The following HIP1 variants were observed in gnomAD, a reference collection of about 807,000 sequenced individuals.
HIP1 encodes huntingtin-interacting protein 1.
HIP1 carries 65 observed loss-of-function variants against 147.6 expected under a neutral mutation model. The ratio of observed to expected loss-of-function variants is 0.44; its 90% CI spans 0.36 to 0.54. The LOEUF (loss-of-function observed/expected upper bound fraction) is 0.54, where lower values mean the gene tolerates loss of function less well. HIP1 is among the 20% of genes least tolerant of loss of function. HIP1 has a pLI of 0.00. For missense variants in HIP1, 1,061 were observed against 1,299.6 expected, an observed-to-expected ratio of 0.82 and a Z score of 2.82; for synonymous variants, 479 against 504.0, an observed-to-expected ratio of 0.95 and a Z score of 0.67.
chr7:75,604,660 T>C (rs1563238382), intron 1 of HIP1, among the ~76,000 whole-genome samples: 2 of 150,932 alleles, frequency 1.3e-5, no homozygotes, highest in African/African-American at 4.9e-5. Flanking sequence ...GAGCAAGACC[T>C]TGTCTTAGAA....
intron 1 of HIP1, among the ~76,000 whole-genome samples, chr7:75,632,673 C>T (rs1489309230): frequency 6.6e-6 from 1 of 151,348 alleles, no homozygotes; most frequent in Non-Finnish European, 1.5e-5. Flanking sequence ...GCTGGGATTA[C>T]AGGTGTGAGC....
chr7:75,623,423 C>A (rs1216676367), intron 1 of HIP1, among the ~76,000 whole-genome samples: 1 of 152,042 alleles, frequency 6.6e-6, no homozygotes, highest in South Asian at 2.1e-4. Flanking sequence ...GAGGAGAGGA[C>A]GGGAGAGTGG....
chr7:75,621,345 C>G (rs1554507082), intron 1 of HIP1, among the ~76,000 whole-genome samples: 1 of 152,168 alleles, frequency 6.6e-6, no homozygotes, highest in Non-Finnish European at 1.5e-5. Context: ...GGGGCCAAAT[C>G]CCTAGAGGCC....
intron 1 of HIP1, chr7:75,625,440 G>A (rs1449478433): frequency 7.9e-5 from 12 of 152,418 alleles, no homozygotes; most frequent in Admixed American, 7.9e-4. Context: ...CCTGGGGTGT[G>A]GGCATCTATC....
chr7:75,639,562 CGT>C (rs57827695), intron 1 of HIP1, among the ~76,000 whole-genome samples: 394 of 137,174 alleles, frequency 2.9e-3, no homozygotes, highest in South Asian at 0.013. Flanking sequence ...CGCCAGGAAG[CGT>C]GTGTGTGTGT....
At chr7:75,689,728 A>G (rs868966300) in intron 1 of HIP1, among the ~76,000 whole-genome samples, 6 of 152,102 alleles carry the variant, frequency 3.9e-5, no homozygotes, top group East Asian at 3.9e-4. Flanking sequence ...GGGGAGGGCT[A>G]TTGTTGAAAG....
intron 1 of HIP1, among the ~76,000 whole-genome samples, chr7:75,714,007 T>G (rs1801238524): frequency 6.6e-6 from 1 of 151,468 alleles, no homozygotes; most frequent in Admixed American, 6.6e-5. Context: ...GCCTCTTTTT[T>G]TTTTTAACAT....
intron 1 of HIP1, among the ~76,000 whole-genome samples, chr7:75,666,263 G>A (rs1313196622): frequency 6.6e-6 from 1 of 151,752 alleles, no homozygotes; most frequent in African/African-American, 2.4e-5. Flanking sequence ...CTTCCTCCTG[G>A]GTTCAAGCGA....
At position 75,698,660 on chromosome 7, in the gene HIP1, A is replaced by AT. The variant is rs200172518; in HGVS notation, c.120+40140dup. On this transcript the variant is annotated intron_variant, in intron 1 of 30. Transcript: ENST00000336926. The stretch of plus-strand genomic sequence containing the variant: ...TAGCAAGACCCCAACTCTAAATACA[A>AT]TTTTTTTTTTTAAGTCAGGCACAGT... Among the ~76,000 whole-genome samples the AT allele has an allele frequency of 5.7e-3, 845 of 148,116 alleles. 6 individuals carry two copies. The highest frequency in any genetic ancestry group is 8.4e-3 in the Non-Finnish European group (563 of 66,714).
intron 1 of HIP1, among the ~76,000 whole-genome samples, chr7:75,685,507 C>T (rs1284509053): frequency 6.6e-6 from 1 of 152,224 alleles, no homozygotes; most frequent in Non-Finnish European, 1.5e-5. Flanking sequence ...CTTCTTATAG[C>T]TCTGTGCTAG....
intron 1 of HIP1, among the ~76,000 whole-genome samples, chr7:75,673,888 AG>A (rs1171367973): frequency 1.3e-5 from 2 of 151,606 alleles, no homozygotes; most frequent in African/African-American, 4.8e-5. Context: ...CGAGAGGCTG[AG>A]GTTGGAGAAT....
chr7:75,677,849 A>AGTTGG (rs1554516279), intron 1 of HIP1, among the ~76,000 whole-genome samples: 1 of 151,826 alleles, frequency 6.6e-6, no homozygotes, highest in Non-Finnish European at 1.5e-5. Flanking sequence ...CAAACAAACA[A>AGTTGG]AAAACCTCTT....
chr7:75,676,483 G>A (rs1004593527), intron 1 of HIP1, among the ~76,000 whole-genome samples: 40 of 152,056 alleles, frequency 2.6e-4, no homozygotes, highest in African/African-American at 8.7e-4. Flanking sequence ...AGAGCTTATA[G>A]AAGCCCCCTA....
At chr7:75,682,018 CTTTTTTTTTTT>C (rs71098063) in intron 1 of HIP1, among the ~76,000 whole-genome samples, 2 of 84,212 alleles carry the variant, frequency 2.4e-5, no homozygotes, top group Non-Finnish European at 4.3e-5. Context: ...GCAACAACCT[CTTTTTTTTTTT>C]TTTTTTTTTT....
chr7:75,563,323 C>A (rs1795296224), intron 9 of HIP1, 60 bp from the exon 10 acceptor site: 1 of 1,514,950 alleles, frequency 6.6e-7, no homozygotes, highest in Non-Finnish European at 9.2e-7. Flanking sequence ...ATGTAGGGGA[C>A]AGAGCAGCCA....
At chr7:75,683,263 C>G (rs2705780) in intron 1 of HIP1, among the ~76,000 whole-genome samples, 85,879 of 151,774 alleles carry the variant, frequency 0.57, 24,980 homozygotes, top group African/African-American at 0.69. Context: ...TTACAGGTGT[C>G]AGCCACCGTG....
intron 7 of HIP1, among the ~76,000 whole-genome samples, chr7:75,579,535 G>GC (rs202071233): frequency 0.022 from 3,400 of 151,920 alleles, 138 homozygotes; most frequent in African/African-American, 0.078. Flanking sequence ...CAGGTGATCC[G>GC]CCCCCCTTGG....
At chr7:75,639,233 C>T (rs1232047694) in intron 1 of HIP1, 1 of 964,190 alleles carries the variant, frequency 1.0e-6, no homozygotes, top group African/African-American at 1.9e-5. Flanking sequence ...AAGGCTGGAC[C>T]GGAGAAAGGA....
chr7:75,535,811 A>G lies in HIP1; in HGVS notation c.*2361T>C. 5.9e-6 allele frequency: 1 copy of G among 170,744 alleles called. No individual in the cohort carries two copies. The highest frequency in any genetic ancestry group is 1.3e-5 in the Non-Finnish European group (1 of 78,810). The allele number at this position is 170,744 out of a possible 1,614,324, so 10.6% of individuals were successfully genotyped here. On this transcript the variant is annotated 3_prime_UTR_variant, in exon 31 of 31. Coordinates refer to ENST00000336926, the MANE Select transcript of HIP1 (RefSeq NM_005338.7). ...ACTGCAACCTCTGCCTCTGGGGTTCAGGTGATTCTCCTGTCTCAGCCTCCT... is the reference window on the plus strand; with the variant it reads ...ACTGCAACCTCTGCCTCTGGGGTTCGGGTGATTCTCCTGTCTCAGCCTCCT...
Sources: allele counts gnomAD v4.1 joint callset (sites outside exome capture counted in the v4.1 genomes callset), GRCh38; gene constraint gnomAD v4.1.1; transcripts MANE v1.5; gene names NCBI Gene and HGNC (gene_info 2026-07-23, HGNC 2026-07-21).